The following ARHGEF28 variants were observed in gnomAD, a reference collection of about 807,000 sequenced individuals.
ARHGEF28 encodes the protein 190 kDa guanine nucleotide exchange factor.
In ARHGEF28, 152 loss-of-function variants were observed where a neutral mutation model predicts 206.6. That is an observed-to-expected ratio of 0.74 (90% CI 0.64 to 0.84). The LOEUF (loss-of-function observed/expected upper bound fraction) is 0.84. Among genes scored for constraint, ARHGEF28 ranks in the 40% least tolerant of loss-of-function variants. The pLI, the probability that ARHGEF28 is intolerant of heterozygous loss-of-function variation, is 0.00. For missense variants in ARHGEF28, 2,028 were observed against 2,073.2 expected, an observed-to-expected ratio of 0.98 and a Z score of 0.42; for synonymous variants, 763 against 776.4, an observed-to-expected ratio of 0.98 and a Z score of 0.29.
rs1242960339 is a variant in ARHGEF28 at position 73,776,697 on chromosome 5, G to A, written c.840+1G>A. 2.5e-6 allele frequency: 4 copies of A among 1,609,290 alleles called. No individual in the cohort carries two copies. Among genetic ancestry groups the A allele is most frequent in the Non-Finnish European group, 3.4e-6 (4 of 1,176,898 alleles). On this transcript the variant is annotated splice_donor_variant, in intron 6 of 35. Coordinates refer to ENST00000513042, the MANE Select transcript of ARHGEF28 (RefSeq NM_001177693.2). LOFTEE classifies it high-confidence loss of function. ...TTGGGATAGAGCCTTTCTTGTCAAG[G>A]TTTGTACATAGTGATTCTAGCATGT... is the stretch of plus-strand genomic sequence containing the variant.
chr5:73,776,793 CT>C, intron 6 of ARHGEF28, 97 bp downstream of exon 6: 17 of 1,185,874 alleles, frequency 1.4e-5, no homozygotes, highest in Non-Finnish European at 1.8e-5. Flanking sequence ...GGGGGTAGGA[CT>C]TTTTTTAATG....
At chr5:73,808,344 G>A (rs1301753138) in intron 9 of ARHGEF28, among the ~76,000 whole-genome samples, 1 of 152,204 alleles carries the variant, frequency 6.6e-6, no homozygotes, top group Non-Finnish European at 1.5e-5. Flanking sequence ...CCGTGAGTGA[G>A]TGGGACACTG....
intron 22 of ARHGEF28, 130 bp from the exon 23 acceptor site, chr5:73,882,342 T>C: frequency 1.5e-6 from 1 of 671,216 alleles, no homozygotes; most frequent in African/African-American, 1.9e-5. Flanking sequence ...TAAGTGATTG[T>C]GTTCAGAAAT....
intron 35 of ARHGEF28, among the ~76,000 whole-genome samples, chr5:73,916,391 A>G (rs1411570256): frequency 1.3e-5 from 2 of 152,214 alleles, no homozygotes; most frequent in African/African-American, 2.4e-5. Flanking sequence ...GGCTGCCATA[A>G]CAAAGTACCA....
chr5:73,790,898 A>G (rs185445138), intron 7 of ARHGEF28, among the ~76,000 whole-genome samples: 4 of 152,300 alleles, frequency 2.6e-5, no homozygotes, highest in Non-Finnish European at 5.9e-5. Flanking sequence ...CTAAGTGGAG[A>G]GGAAAAGGGT....
chr5:73,696,980 C>G (rs952633338), intron 2 of ARHGEF28, among the ~76,000 whole-genome samples: 1 of 152,156 alleles, frequency 6.6e-6, no homozygotes, highest in Non-Finnish European at 1.5e-5. Flanking sequence ...GATGGTCCAG[C>G]AGGAAGGTGC....
At chr5:73,675,252 T>C (rs1580468730) in intron 1 of ARHGEF28, among the ~76,000 whole-genome samples, 1 of 152,174 alleles carries the variant, frequency 6.6e-6, no homozygotes, top group Non-Finnish European at 1.5e-5. Context: ...AGCAAGGAAA[T>C]TCCCCATCCC....
chr5:73,830,059 C>T (rs1175311204), intron 9 of ARHGEF28, among the ~76,000 whole-genome samples: 1 of 152,098 alleles, frequency 6.6e-6, no homozygotes, highest in African/African-American at 2.4e-5. Flanking sequence ...CCATAGGAGA[C>T]ACTGGGGCAA....
chr5:73,806,772 T>A (rs1336701363), intron 9 of ARHGEF28, among the ~76,000 whole-genome samples: 1 of 130,256 alleles, frequency 7.7e-6, no homozygotes, highest in African/African-American at 2.9e-5. Flanking sequence ...TATACATCTA[T>A]ATGTGCCATA....
chr5:73,684,547 T>A (rs1747322143), intron 1 of ARHGEF28, among the ~76,000 whole-genome samples: 1 of 152,226 alleles, frequency 6.6e-6, no homozygotes. Flanking sequence ...GGTATAAAAA[T>A]TTCTGTTTGA....
intron 1 of ARHGEF28, among the ~76,000 whole-genome samples, chr5:73,644,750 C>G (rs1452371845): frequency 1.3e-5 from 2 of 152,212 alleles, no homozygotes; most frequent in African/African-American, 4.8e-5. Context: ...TTAGAACCAC[C>G]TGGAGAGGTC....
Position 73,880,141 on chromosome 5 carries a change from C to T in ARHGEF28, c.2815-2331C>T, listed in dbSNP as rs1204596924. On this transcript the variant is annotated intron_variant, in intron 22 of 35. Coordinates refer to ENST00000513042, the MANE Select transcript of ARHGEF28 (RefSeq NM_001177693.2). ...CGAGCCTGGGCAATGGCGGGCGCCC[C>T]TCCCCCAGCCTCGCTGCAGACTTGC... Among the ~76,000 whole-genome samples the T allele has an allele frequency of 2.0e-5, 3 of 152,190 alleles. No individual in the cohort carries two copies. In the East Asian group the frequency reaches 5.8e-4, roughly 29 times the overall value.
At chr5:73,915,565 A>G (rs1316447380) in intron 35 of ARHGEF28, among the ~76,000 whole-genome samples, 1 of 152,224 alleles carries the variant, frequency 6.6e-6, no homozygotes, top group African/African-American at 2.4e-5. Flanking sequence ...CTTAAACAAT[A>G]GTCTCTGTGG....
chr5:73,779,245 A>G (rs1753701064), intron 6 of ARHGEF28, among the ~76,000 whole-genome samples: 2 of 152,230 alleles, frequency 1.3e-5, no homozygotes, highest in Non-Finnish European at 2.9e-5. Context: ...ACAGAATATT[A>G]GGAAATTAAA....
rs374908924 is a variant in ARHGEF28, at chr5:73,868,794, G to C, written c.2425+567G>C. On this transcript the variant is annotated intron_variant, in intron 20 of 35. Coordinates refer to ENST00000513042, the MANE Select transcript of ARHGEF28 (RefSeq NM_001177693.2). ...CCCAAGTAGCTAGGAGTACAGGTGC[G>C]CATCACCACCCCCAGCTAATTTTTG... Among the ~76,000 whole-genome samples, 14 of 152,106 alleles carry C rather than the reference G, an allele frequency of 9.2e-5. No homozygotes were observed. The East Asian group carries it at 2.7e-3, about 30-fold the overall frequency.
At chr5:73,759,157 A>AG (rs5868693) in intron 4 of ARHGEF28, among the ~76,000 whole-genome samples, 152,345 of 152,348 alleles carry the variant, frequency 1, 76,171 homozygotes, top group Middle Eastern at 1. Context: ...AGGGTGGCTT[A>AG]AGAATTGAAT....
intron 31 of ARHGEF28, chr5:73,903,311 C>A (rs952689122): frequency 6.6e-6 from 1 of 152,022 alleles, no homozygotes; most frequent in Non-Finnish European, 1.5e-5. Context: ...AGTGGGTGAT[C>A]GATATTTATT....
chr5:73,877,308 CTCTTT>C (rs1462570526), intron 22 of ARHGEF28, among the ~76,000 whole-genome samples: 1 of 149,848 alleles, frequency 6.7e-6, no homozygotes, highest in Non-Finnish European at 1.5e-5. Flanking sequence ...TGATTCTTCT[CTCTTT>C]TCTTCTTTAT....
chr5:73,676,098 T>G (rs1471005158), intron 1 of ARHGEF28, among the ~76,000 whole-genome samples: 3 of 150,134 alleles, frequency 2.0e-5, no homozygotes, highest in African/African-American at 7.3e-5. Flanking sequence ...GAGACAGAGT[T>G]TTGCTCTTGT....
Sources: allele counts gnomAD v4.1 joint callset (sites outside exome capture counted in the v4.1 genomes callset), GRCh38; gene constraint gnomAD v4.1.1; transcripts MANE v1.5; gene names NCBI Gene and HGNC (gene_info 2026-07-23, HGNC 2026-07-21).